Variants in THSD4 observed in about 807,000 individuals in gnomAD.
THSD4 encodes the protein thrombospondin type-1 domain-containing protein 4.
In THSD4, 69 loss-of-function variants were observed where a neutral mutation model predicts 119.0. The ratio of observed to expected loss-of-function variants is 0.58; its 90% CI spans 0.48 to 0.71. The LOEUF (loss-of-function observed/expected upper bound fraction) is 0.71. THSD4 is among the 30% of genes least tolerant of loss of function. THSD4 has a pLI of 0.00. For synonymous variants in THSD4, 524 were observed against 540.4 expected (o/e 0.97, Z 0.42); for missense variants, 1,393 against 1,391.1 (o/e 1.00, Z -0.02).
At chr15:71,371,743 G>A (rs1232824249) in intron 6 of THSD4, among the ~76,000 whole-genome samples, 1 of 152,152 alleles carries the variant, frequency 6.6e-6, no homozygotes, top group East Asian at 1.9e-4. Context: ...TGGTGAATCT[G>A]ACAATTATGT....
chr15:71,488,884 G>T (rs551095547), intron 7 of THSD4, among the ~76,000 whole-genome samples: 33 of 152,214 alleles, frequency 2.2e-4, no homozygotes, highest in African/African-American at 7.2e-4. Flanking sequence ...AGTTATTCCA[G>T]CTCACCAATA....
At chr15:71,235,756 A>AT (rs1268561007) in intron 4 of THSD4, among the ~76,000 whole-genome samples, 1 of 151,790 alleles carries the variant, frequency 6.6e-6, no homozygotes, top group Admixed American at 6.6e-5. Context: ...CGCCTGGCCA[A>AT]TTTTTTGTGT....
At chr15:71,395,344 C>A (rs947349765) in intron 6 of THSD4, among the ~76,000 whole-genome samples, 1 of 152,192 alleles carries the variant, frequency 6.6e-6, no homozygotes. Flanking sequence ...AAAGTCCCCA[C>A]TGAGCTCCAC....
chr15:71,537,085 G>A (rs1009512551), intron 7 of THSD4, among the ~76,000 whole-genome samples: 2 of 152,132 alleles, frequency 1.3e-5, no homozygotes, highest in African/African-American at 2.4e-5. Context: ...GTCTTTAAGG[G>A]TTTTGTGTTT....
intron 7 of THSD4, among the ~76,000 whole-genome samples, chr15:71,644,075 C>A (rs894170845): frequency 2.6e-5 from 4 of 152,204 alleles, no homozygotes; most frequent in African/African-American, 9.6e-5. Flanking sequence ...TGACCTGTCT[C>A]ATTTAGCAGA....
At chr15:71,528,904 G>C (rs949554050) in intron 7 of THSD4, among the ~76,000 whole-genome samples, 12 of 152,188 alleles carry the variant, frequency 7.9e-5, no homozygotes, top group Non-Finnish European at 7.3e-5. Flanking sequence ...ATATAACTTA[G>C]ATAACAGCTA....
At chr15:71,277,291 A>G (rs2044604329) in intron 6 of THSD4, among the ~76,000 whole-genome samples, 3 of 151,606 alleles carry the variant, frequency 2.0e-5, no homozygotes, top group Admixed American at 1.3e-4. Flanking sequence ...ACGCCCACCT[A>G]ATGTTTGTAT....
At chr15:71,251,502 C>T (rs2044258640) in intron 5 of THSD4, among the ~76,000 whole-genome samples, 1 of 152,168 alleles carries the variant, frequency 6.6e-6, no homozygotes, top group South Asian at 2.1e-4. Flanking sequence ...TTCCCAAGGT[C>T]ACACAGCCAC....
At chr15:71,678,424 C>T (rs183240704) in intron 8 of THSD4, among the ~76,000 whole-genome samples, 32 of 152,286 alleles carry the variant, frequency 2.1e-4, no homozygotes, top group Admixed American at 1.5e-3. Flanking sequence ...CTTCCTTCCT[C>T]GTGAGCATCA....
chr15:71,129,783 T>C (rs1012811642), intron 1 of THSD4, among the ~76,000 whole-genome samples: 1 of 152,210 alleles, frequency 6.6e-6, no homozygotes, highest in African/African-American at 2.4e-5. Context: ...TGGTGATTGC[T>C]ACAAATCATT....
At chr15:71,581,165 T>A (rs2049551176) in intron 7 of THSD4, among the ~76,000 whole-genome samples, 1 of 152,178 alleles carries the variant, frequency 6.6e-6, no homozygotes, top group Non-Finnish European at 1.5e-5. Flanking sequence ...CATACCAGTT[T>A]GCATTTCCAT....
intron 17 of THSD4, among the ~76,000 whole-genome samples, chr15:71,773,216 G>GAAA (rs1415243841): frequency 1.6e-5 from 1 of 62,360 alleles, no homozygotes; most frequent in East Asian, 2.9e-4. Context: ...AAAAAAAAAA[G>GAAA]AAAAAGAAAA....
chr15:71,384,563 T>A (rs769487335), intron 6 of THSD4, among the ~76,000 whole-genome samples: 11 of 152,236 alleles, frequency 7.2e-5, no homozygotes, highest in Non-Finnish European at 1.2e-4. Flanking sequence ...TCAATTTTTC[T>A]TTCAATTAGT....
At chr15:71,277,650 A>T (rs1471195606) in intron 6 of THSD4, among the ~76,000 whole-genome samples, 2 of 152,218 alleles carry the variant, frequency 1.3e-5, no homozygotes, top group African/African-American at 4.8e-5. Context: ...TACGTGTGAC[A>T]TACATTACCC....
At chr15:71,623,821 G>A (rs182889236) in intron 7 of THSD4, among the ~76,000 whole-genome samples, 1 of 151,772 alleles carries the variant, frequency 6.6e-6, no homozygotes, top group Non-Finnish European at 1.5e-5. Flanking sequence ...TACCTAGGAG[G>A]CTGAGGCAGG....
At chr15:71,677,933 T>C (rs911211367) in intron 8 of THSD4, among the ~76,000 whole-genome samples, 2 of 152,238 alleles carry the variant, frequency 1.3e-5, no homozygotes, top group Non-Finnish European at 2.9e-5. Context: ...TGAATTTTTA[T>C]GGAAGTGATT....
At chr15:71,525,777 C>A (rs1325744205) in intron 7 of THSD4, among the ~76,000 whole-genome samples, 1 of 152,170 alleles carries the variant, frequency 6.6e-6, no homozygotes, top group Non-Finnish European at 1.5e-5. Context: ...CTCATCTCAT[C>A]TCAATGGTCT....
intron 8 of THSD4, among the ~76,000 whole-genome samples, chr15:71,668,470 G>A (rs1414022204): frequency 6.6e-6 from 1 of 152,120 alleles, no homozygotes; most frequent in African/African-American, 2.4e-5. Flanking sequence ...GTAAAAGGGA[G>A]GGGAGAAGGG....
rs62024265 is a variant in THSD4 at position 71,627,606 on chromosome 15, C to G, written c.1153-32924C>G. On this transcript the variant is annotated intron_variant, in intron 7 of 17. Coordinates refer to ENST00000261862, the MANE Select transcript of THSD4 (RefSeq NM_024817.3). ...GGGTCCAGAAATCTCATATGAGGACCGCCTGTTGGATCTGAGCTGGAAATG... is the reference window on the plus strand; with the variant it reads ...GGGTCCAGAAATCTCATATGAGGACGGCCTGTTGGATCTGAGCTGGAAATG... Among the ~76,000 whole-genome samples the G allele has an allele frequency of 4.2e-3, 632 of 152,192 alleles. 5 individuals are homozygous for G. Among genetic ancestry groups the G allele is most frequent in the Middle Eastern group, 0.031 (9 of 294 alleles).
Sources: allele counts gnomAD v4.1 joint callset (sites outside exome capture counted in the v4.1 genomes callset), GRCh38; gene constraint gnomAD v4.1.1; transcripts MANE v1.5; gene names NCBI Gene and HGNC (gene_info 2026-07-23, HGNC 2026-07-21).